NRXN1: variants seen among roughly 807,000 people sequenced by gnomAD.
NRXN1 encodes neurexin 1.
In NRXN1, 39 loss-of-function variants were observed where a neutral mutation model predicts 150.9. The ratio of observed to expected loss-of-function variants is 0.26; its 90% CI spans 0.20 to 0.34. The LOEUF (loss-of-function observed/expected upper bound fraction) is 0.34, where lower values mean the gene tolerates loss of function less well. NRXN1 is among the 10% of genes least tolerant of loss of function. The pLI, the probability that NRXN1 is intolerant of heterozygous loss-of-function variation, is 1.00. For synonymous variants in NRXN1, 924 were observed against 757.0 expected (o/e 1.22, Z -3.62); for missense variants, 1,815 against 1,949.9 (o/e 0.93, Z 1.30).
At chr2:50,257,287 C>G (rs2152906229) in intron 17 of NRXN1, among the ~76,000 whole-genome samples, 1 of 152,118 alleles carries the variant, frequency 6.6e-6, no homozygotes, top group Admixed American at 6.6e-5. Context: ...TATGGGAGGT[C>G]ACATGTATTT....
Position 50,295,564 on chromosome 2 carries a change from G to A in NRXN1, c.3365-58594C>T, listed in dbSNP as rs1303944928. On this transcript the variant is annotated intron_variant, in intron 17 of 22. Coordinates refer to ENST00000401669, the MANE Select transcript of NRXN1 (RefSeq NM_001330078.2). ...AAATCTGAATTTACACTCCAATATT[G>A]TTGAATTCAATCTTGTTCAATCTTG... 3.3e-5 allele frequency among the ~76,000 whole-genome samples: 5 copies of A among 152,214 alleles called. No homozygotes were observed. The South Asian group carries it at 6.2e-4, about 19-fold the overall frequency.
intron 18 of NRXN1, among the ~76,000 whole-genome samples, chr2:50,208,126 T>C (rs1416167035): frequency 1.3e-5 from 2 of 152,150 alleles, no homozygotes; most frequent in African/African-American, 4.8e-5. Context: ...GATGGTGTTC[T>C]GAAATGCACT....
At chr2:50,925,146 T>C (rs1230504405) in intron 3 of NRXN1, among the ~76,000 whole-genome samples, 3 of 151,876 alleles carry the variant, frequency 2.0e-5, no homozygotes, top group Non-Finnish European at 2.9e-5. Context: ...ACCATTCTTT[T>C]GTTATGCCTT....
intron 17 of NRXN1, among the ~76,000 whole-genome samples, chr2:50,333,060 G>A (rs183407826): frequency 8.5e-5 from 13 of 152,180 alleles, no homozygotes; most frequent in Admixed American, 7.9e-4. Context: ...TACTAGCTTA[G>A]CAAGTCCATA....
intron 18 of NRXN1, among the ~76,000 whole-genome samples, chr2:50,196,450 G>A (rs973297016): frequency 2.6e-5 from 4 of 152,054 alleles, no homozygotes; most frequent in Admixed American, 6.6e-5. Context: ...TATCTAATGT[G>A]CTAGTCATGT....
chr2:50,391,150 A>C (rs2081662258), intron 17 of NRXN1, among the ~76,000 whole-genome samples: 1 of 152,110 alleles, frequency 6.6e-6, no homozygotes, highest in Non-Finnish European at 1.5e-5. Flanking sequence ...GGAGTGAGGC[A>C]GGGCAGATGA....
chr2:50,310,328 A>T (rs10490231), intron 17 of NRXN1, among the ~76,000 whole-genome samples: 16,157 of 152,248 alleles, frequency 0.11, 983 homozygotes, highest in Non-Finnish European at 0.13. Context: ...ATATTCATAG[A>T]AAACCAAAGT....
intron 22 of NRXN1, among the ~76,000 whole-genome samples, chr2:49,930,040 G>C (rs1669845878): frequency 6.6e-6 from 1 of 152,202 alleles, no homozygotes; most frequent in African/African-American, 2.4e-5. Flanking sequence ...AATGAGTAGA[G>C]AGTCGTCAAG....
rs914851623 is a variant in NRXN1 at position 50,359,076 on chromosome 2, C to T, written c.3364+106366G>A. ...ATAGCATCAACATCAACAGAAAGAA[C>T]GACCACGCAAAAACTCCATCTGAAG... On this transcript the variant is annotated intron_variant, in intron 17 of 22. Transcript: ENST00000401669. Among the ~76,000 whole-genome samples the T allele has an allele frequency of 8.5e-5, 13 of 152,224 alleles. 1 individual carries two copies. The highest frequency in any genetic ancestry group is 7.8e-4 in the Admixed American group (12 of 15,288).
intron 18 of NRXN1, among the ~76,000 whole-genome samples, chr2:50,110,045 A>G (rs72878122): frequency 0.24 from 36,499 of 151,950 alleles, 4,550 homozygotes; most frequent in Middle Eastern, 0.33. Context: ...AAACTTTATT[A>G]TGCATAATGA....
At chr2:50,840,861 A>G (rs1004989037) in intron 5 of NRXN1, among the ~76,000 whole-genome samples, 1 of 152,242 alleles carries the variant, frequency 6.6e-6, no homozygotes, top group African/African-American at 2.4e-5. Flanking sequence ...GGCTGGCCCA[A>G]ACAATTTCTA....
intron 5 of NRXN1, among the ~76,000 whole-genome samples, chr2:50,706,069 T>C (rs1694392471): frequency 6.6e-6 from 1 of 152,170 alleles, no homozygotes; most frequent in Non-Finnish European, 1.5e-5. Flanking sequence ...AGCTTCCAAG[T>C]GCTAAACTTC....
intron 5 of NRXN1, among the ~76,000 whole-genome samples, chr2:50,920,799 A>G (rs1018012201): frequency 6.6e-6 from 1 of 151,760 alleles, no homozygotes; most frequent in African/African-American, 2.4e-5. Flanking sequence ...CAAAACCAAA[A>G]CTGTGATAAC....
At chr2:50,555,522 T>C (rs1285466795) in intron 8 of NRXN1, among the ~76,000 whole-genome samples, 1 of 152,148 alleles carries the variant, frequency 6.6e-6, no homozygotes, top group Non-Finnish European at 1.5e-5. Context: ...TAAAAAAAAG[T>C]ATCTCCACCA....
In NRXN1 at chr2:50,969,917, T is replaced by C. The variant is rs546637654; in HGVS notation, c.773-43962A>G. ...GAAATTGTCCACTTTTATGCTTATG[T>C]TCAACAAAGTATGTACAGCAGTGCA... On this transcript the variant is annotated intron_variant, in intron 2 of 22. Coordinates refer to ENST00000401669, the MANE Select transcript of NRXN1 (RefSeq NM_001330078.2). Among the ~76,000 whole-genome samples, 65 of 152,288 alleles carry C rather than the reference T, an allele frequency of 4.3e-4. 1 individual carries two copies. The highest frequency in any genetic ancestry group is 8.8e-4 in the Non-Finnish European group (60 of 68,034).
chr2:51,016,520 T>C (rs1000791194), intron 2 of NRXN1, among the ~76,000 whole-genome samples: 2 of 152,152 alleles, frequency 1.3e-5, no homozygotes, highest in African/African-American at 4.8e-5. Context: ...TCATCACTGG[T>C]CATTAGAGAA....
chr2:50,964,032 C>A (rs968448190), intron 2 of NRXN1: 3 of 425,900 alleles, frequency 7.0e-6, no homozygotes, highest in South Asian at 1.7e-5. Flanking sequence ...TAATTTTTTG[C>A]CTACTATGCA....
In NRXN1 at chr2:49,942,614, T is replaced by TATTATTTTATTA. The variant is rs112672714; in HGVS notation, c.4216+1089_4216+1090insTAATAAAATAAT. ...ATATTATTATTATTATTATTATTAT[T>TATTATTTTATTA]TTATTATTATTTTGAGACAAAATCC... On this transcript the variant is annotated intron_variant, in intron 22 of 22. Coordinates refer to ENST00000401669, the MANE Select transcript of NRXN1 (RefSeq NM_001330078.2). 2.7e-5 allele frequency among the ~76,000 whole-genome samples: 4 copies of TATTATTTTATTA among 149,008 alleles called. No homozygotes were observed. The East Asian group carries it at 6.0e-4, about 22-fold the overall frequency.
intron 5 of NRXN1, among the ~76,000 whole-genome samples, chr2:50,654,210 G>GTT (rs1686066843): frequency 1.5e-5 from 1 of 68,092 alleles, no homozygotes; most frequent in Non-Finnish European, 2.9e-5. Flanking sequence ...GCCCCAGTGT[G>GTT]ATGTTCCCCT....
Sources: allele counts gnomAD v4.1 joint callset (sites outside exome capture counted in the v4.1 genomes callset), GRCh38; gene constraint gnomAD v4.1.1; transcripts MANE v1.5; gene names NCBI Gene and HGNC (gene_info 2026-07-23, HGNC 2026-07-21).